GFM2: variants seen among roughly 807,000 people sequenced by gnomAD.
GFM2 encodes the protein ribosome-releasing factor 2, mitochondrial.
GFM2 carries 72 observed loss-of-function variants against 95.4 expected under a neutral mutation model. That is an observed-to-expected ratio of 0.76 (90% CI 0.62 to 0.92). The LOEUF (loss-of-function observed/expected upper bound fraction) is 0.92. Among genes scored for constraint, GFM2 ranks in the 40% least tolerant of loss-of-function variants. The pLI, the probability that GFM2 is intolerant of heterozygous loss-of-function variation, is 0.00. For missense variants in GFM2, 825 were observed against 924.1 expected (o/e 0.89, Z 1.39); for synonymous variants, 276 against 317.5 (o/e 0.87, Z 1.39).
At position 74,763,759 on chromosome 5, in the gene GFM2, G is replaced by A. The variant is rs201136632; in HGVS notation, c.-17C>T. On this transcript the variant is annotated 5_prime_UTR_variant, in exon 2 of 21. Transcript: ENST00000296805. ...GGTCAACATCTTGATCCTCCAAACT[G>A]TTACTGTCTGAAAAAATAAATATAC... 9 of 1,596,422 alleles carry A rather than the reference G, an allele frequency of 5.6e-6. No homozygotes were observed. In the African/African-American group the frequency reaches 1.2e-4, roughly 21 times the overall value.
intron 2 of GFM2, among the ~76,000 whole-genome samples, chr5:74,762,029 G>A (rs552221914): frequency 2.5e-4 from 38 of 152,254 alleles, no homozygotes; most frequent in Middle Eastern, 6.8e-3. Flanking sequence ...GTCTGAAAGC[G>A]TCAGCAATAA....
At chr5:74,735,018 C>A (rs534125604) in intron 15 of GFM2, among the ~76,000 whole-genome samples, 1 of 152,166 alleles carries the variant, frequency 6.6e-6, no homozygotes, top group South Asian at 2.1e-4. Flanking sequence ...AAATGACTCT[C>A]AAATATATTT....
intron 7 of GFM2, among the ~76,000 whole-genome samples, chr5:74,748,073 G>A (rs1743480624): frequency 6.6e-6 from 1 of 152,184 alleles, no homozygotes; most frequent in South Asian, 2.1e-4. Flanking sequence ...GAGAATCATG[G>A]AAAGTGAACT....
At chr5:74,765,004 G>A (rs1195579382) in intron 1 of GFM2, 7 of 402,660 alleles carry the variant, frequency 1.7e-5, no homozygotes, top group South Asian at 2.7e-5. Context: ...CAGACTGGTC[G>A]TGAACTCCTG....
chr5:74,740,739 A>C (rs1036936618), intron 11 of GFM2, among the ~76,000 whole-genome samples: 7 of 152,106 alleles, frequency 4.6e-5, no homozygotes, highest in Non-Finnish European at 1.0e-4. Context: ...AACACTCAAA[A>C]ATAAACAGTT....
At chr5:74,766,625 GAATGTTATCTT>G (rs1371133894) in intron 1 of GFM2, among the ~76,000 whole-genome samples, 2 of 152,198 alleles carry the variant, frequency 1.3e-5, no homozygotes, top group Non-Finnish European at 2.9e-5. Context: ...CAAAAAACCA[GAATGTTATCTT>G]CTTCTTTTCT....
At chr5:74,745,902 G>A in intron 9 of GFM2, 45 bp from the exon 10 acceptor site, 3 of 1,459,374 alleles carry the variant, frequency 2.1e-6, no homozygotes, top group Non-Finnish European at 2.8e-6. Context: ...ATCACTCACT[G>A]AAAACTACAA....
intron 19 of GFM2, 138 bp from the exon 20 acceptor site, chr5:74,722,699 TATA>T (rs1228655259): frequency 6.4e-6 from 4 of 626,730 alleles, no homozygotes; most frequent in Non-Finnish European, 1.1e-5. Context: ...TGGCAACAAC[TATA>T]ATATTTGCTT....
intron 5 of GFM2, among the ~76,000 whole-genome samples, chr5:74,751,783 T>C (rs1265461983): frequency 1.3e-5 from 2 of 152,166 alleles, no homozygotes; most frequent in Non-Finnish European, 2.9e-5. Flanking sequence ...AGCTTAACTA[T>C]CATTACCCCC....
chr5:74,741,507 GC>G (rs1268375032), intron 11 of GFM2, 21 bp downstream of exon 11: 1 of 1,143,150 alleles, frequency 8.7e-7, no homozygotes, highest in East Asian at 2.4e-5. Context: ...TTTTGTGAAA[GC>G]CATTGAATAA....
chr5:74,746,567 T>C (rs1743397549), intron 8 of GFM2, among the ~76,000 whole-genome samples: 1 of 152,210 alleles, frequency 6.6e-6, no homozygotes, highest in African/African-American at 2.4e-5. Context: ...ACAAGGCAAC[T>C]AGCTTTCTTC....
chr5:74,729,533 T>C (rs1750315152), intron 17 of GFM2, among the ~76,000 whole-genome samples: 1 of 152,242 alleles, frequency 6.6e-6, no homozygotes, highest in Non-Finnish European at 1.5e-5. Context: ...TTTTTAGTTT[T>C]TCCAGATAAA....
intron 10 of GFM2, among the ~76,000 whole-genome samples, chr5:74,743,981 T>G (rs1251623460): frequency 1.3e-5 from 2 of 152,132 alleles, no homozygotes; most frequent in Non-Finnish European, 2.9e-5. Flanking sequence ...ATAACAAAAA[T>G]AACAATTATT....
chr5:74,753,007 T>TC lies in GFM2; in HGVS notation c.305-1515dup, dbSNP rs538990150. On this transcript the variant is annotated intron_variant, in intron 5 of 20. Coordinates refer to ENST00000296805, the MANE Select transcript of GFM2 (RefSeq NM_032380.5). ...AACATAACAAAACAAGGTTCTTTAA[T>TC]CCCCCCCACCAAAAATCACACTAGC... Among the ~76,000 whole-genome samples, 184 of 151,344 alleles carry TC rather than the reference T, an allele frequency of 1.2e-3. 1 individual carries two copies. Among genetic ancestry groups the TC allele is most frequent in the African/African-American group, 4.1e-3 (169 of 41,186 alleles).
rs770320378 is a variant in GFM2, at chr5:74,760,973, T to C, written c.77A>G (p.Tyr26Cys). 4 of 1,592,904 alleles carry C rather than the reference T, an allele frequency of 2.5e-6. No individual in the cohort carries two copies. Among genetic ancestry groups the C allele is most frequent in the African/African-American group, 1.3e-5 (1 of 74,416 alleles). The change falls in exon 3 of 21, where the codon TAT (tyrosine) becomes TGT (cysteine). Residue 26 changes from tyrosine to cysteine, a missense_variant. Physicochemically the swap from Tyr to Cys is radical, Grantham distance 194. Coordinates refer to ENST00000296805, the MANE Select transcript of GFM2 (RefSeq NM_032380.5). ...PSVYINNICC[Y>C]KIRASLKRLK... The stretch of plus-strand genomic sequence containing the variant: ...TCTTTTTAAACTTGCTCTTATTTTA[T>C]AGCAGCATATATTCTAGTAAAGAGA...
rs758125626 is a variant in GFM2 at position 74,746,132 on chromosome 5, C to A, written c.642G>T (p.Lys214Asn). The change falls in exon 9 of 21, where the codon AAG (lysine) becomes AAT (asparagine). Residue 214 changes from lysine to asparagine, a missense_variant. Lys to Asn is a moderately conservative substitution (Grantham distance 94). Coordinates refer to ENST00000296805, the MANE Select transcript of GFM2 (RefSeq NM_032380.5). ...FKYAVESIRE[K>N]LKAKPLLLQL... is the part of the protein sequence containing the mutation. Reference sequence around the variant, plus strand: ...GTAAAAGCAAAGGCTTTGCCTTTAACTTCTCTCTGATGCTTTCAACTGCAT... The same window carrying A: ...GTAAAAGCAAAGGCTTTGCCTTTAAATTCTCTCTGATGCTTTCAACTGCAT... The A allele has an allele frequency of 1.9e-6, 3 of 1,549,228 alleles. No individual in the cohort carries two copies. The South Asian group carries it at 3.8e-5, about 20-fold the overall frequency.
chr5:74,759,729 A>T (rs943113699), intron 3 of GFM2, among the ~76,000 whole-genome samples: 7 of 152,166 alleles, frequency 4.6e-5, no homozygotes, highest in African/African-American at 1.7e-4. Context: ...TTGTAGAACT[A>T]GAATAAATGC....
chr5:74,721,353 A>T lies in GFM2; in HGVS notation c.*302T>A. ...TCTTTCTTGTGAGACAAGCTTAAGG[A>T]CACAAAAGAAACACAACTTTGTGAT... On this transcript the variant is annotated 3_prime_UTR_variant, in exon 21 of 21. Coordinates refer to ENST00000296805, the MANE Select transcript of GFM2 (RefSeq NM_032380.5). 2.7e-6 allele frequency: 2 copies of T among 745,818 alleles called. No individual in the cohort carries two copies. The highest frequency in any genetic ancestry group is 2.4e-6 in the Non-Finnish European group (1 of 415,272). The allele number at this position is 745,818 out of a possible 1,614,324, so 46.2% of individuals were successfully genotyped here. A position where few individuals can be genotyped will look rare whatever the true frequency, so the allele number is the denominator to read the frequency against.
At chr5:74,739,435 T>C (rs764055833) in intron 12 of GFM2, among the ~76,000 whole-genome samples, 35 of 152,182 alleles carry the variant, frequency 2.3e-4, no homozygotes, top group Non-Finnish European at 4.7e-4. Context: ...TTAAATCCAA[T>C]AGTACAAAGC....
Sources: allele counts gnomAD v4.1 joint callset (sites outside exome capture counted in the v4.1 genomes callset), GRCh38; gene constraint gnomAD v4.1.1; transcripts MANE v1.5; gene names NCBI Gene and HGNC (gene_info 2026-07-23, HGNC 2026-07-21).